Variants in MARCHF3 observed in about 807,000 individuals in gnomAD.
MARCHF3 encodes the protein membrane associated ring-CH-type finger 3, also known as E3 ubiquitin-protein ligase MARCHF3.
A neutral mutation model predicts 24.2 loss-of-function variants in MARCHF3; 13 were observed. The ratio of observed to expected loss-of-function variants is 0.54; its 90% CI spans 0.35 to 0.85. The LOEUF (loss-of-function observed/expected upper bound fraction) is 0.85, where lower values mean the gene tolerates loss of function less well. MARCHF3 is among the 40% of genes least tolerant of loss of function. The pLI is 0.01. For synonymous variants in MARCHF3, 144 were observed against 137.3 expected, an observed-to-expected ratio of 1.05 and a Z score of -0.34; for missense variants, 276 against 325.0, an observed-to-expected ratio of 0.85 and a Z score of 1.16.
intron 3 of MARCHF3, among the ~76,000 whole-genome samples, chr5:126,912,477 G>C (rs151187800): frequency 6.3e-4 from 96 of 152,182 alleles, no homozygotes; most frequent in African/African-American, 2.2e-3. Flanking sequence ...GATCCAACTG[G>C]TAAACAAAGT....
rs183757659 is a variant in MARCHF3, at chr5:126,998,284, G to A, written c.-57+32066C>T. The stretch of plus-strand genomic sequence containing the variant: ...ATCAGCCAGGACCATCTGCTGATCA[G>A]TAAACAGAAAGTGCTGACTTATGGT... On this transcript the variant is annotated intron_variant, in intron 1 of 4. Transcript: ENST00000308660. 3.2e-3 allele frequency among the ~76,000 whole-genome samples: 489 copies of A among 152,360 alleles called. 3 individuals are homozygous for A. Among genetic ancestry groups the A allele is most frequent in the Non-Finnish European group, 5.5e-3 (374 of 68,040 alleles).
intron 1 of MARCHF3, among the ~76,000 whole-genome samples, chr5:126,936,792 G>A (rs1312722767): frequency 1.3e-5 from 2 of 152,112 alleles, no homozygotes; most frequent in African/African-American, 2.4e-5. Flanking sequence ...AAAAGCACAT[G>A]CCCTCGCCAT....
chr5:126,977,673 A>G (rs569809972), intron 1 of MARCHF3, among the ~76,000 whole-genome samples: 3 of 152,362 alleles, frequency 2.0e-5, no homozygotes, highest in South Asian at 2.1e-4. Context: ...TCATACTCAT[A>G]TAAGTGTGCA....
Position 126,975,870 on chromosome 5 carries a change from A to G in MARCHF3, c.-57+54480T>C, listed in dbSNP as rs937185060. ...AATTTAAAGTCCTTTGAATAGATCA[A>G]TCTTCTCTAACTAGAAAACAGACCT... is the stretch of plus-strand genomic sequence containing the variant. On this transcript the variant is annotated intron_variant, in intron 1 of 4. Transcript: ENST00000308660. 6.6e-5 allele frequency among the ~76,000 whole-genome samples: 10 copies of G among 152,366 alleles called. No individual in the cohort carries two copies. The East Asian group carries it at 1.9e-3, about 29-fold the overall frequency.
chr5:126,989,618 C>G (rs906753730), intron 1 of MARCHF3, among the ~76,000 whole-genome samples: 1 of 152,096 alleles, frequency 6.6e-6, no homozygotes, highest in Non-Finnish European at 1.5e-5. Context: ...AACACCTTCC[C>G]TCAGCTGGGG....
At chr5:127,029,873 C>G (rs1261380938) in intron 1 of MARCHF3, 1 of 152,294 alleles carries the variant, frequency 6.6e-6, no homozygotes, top group Non-Finnish European at 1.5e-5. Flanking sequence ...GCACTGAAGC[C>G]CCCGCTACAG....
At chr5:126,992,480 T>C (rs1423895542) in intron 1 of MARCHF3, among the ~76,000 whole-genome samples, 3 of 152,220 alleles carry the variant, frequency 2.0e-5, no homozygotes, top group Non-Finnish European at 4.4e-5. Flanking sequence ...CTTTCTCATC[T>C]CCTTTCTATT....
At chr5:127,005,968 G>A (rs929844107) in intron 1 of MARCHF3, among the ~76,000 whole-genome samples, 4 of 151,974 alleles carry the variant, frequency 2.6e-5, no homozygotes, top group Admixed American at 1.3e-4. Flanking sequence ...TTGGGAGGCC[G>A]AGGCGGGCGG....
At chr5:126,914,587 G>A in intron 3 of MARCHF3, 1 of 391,838 alleles carries the variant, frequency 2.6e-6, no homozygotes, top group Non-Finnish European at 4.7e-6. Context: ...TGGTGCGCAA[G>A]GAGAAAGATG....
intron 3 of MARCHF3, among the ~76,000 whole-genome samples, chr5:126,896,040 G>T (rs1231484936): frequency 1.3e-5 from 2 of 152,180 alleles, no homozygotes; most frequent in Non-Finnish European, 2.9e-5. Flanking sequence ...TGTCGGAAAA[G>T]CGCAGTATTC....
At chr5:126,982,277 A>C (rs1580705076) in intron 1 of MARCHF3, among the ~76,000 whole-genome samples, 1 of 152,166 alleles carries the variant, frequency 6.6e-6, no homozygotes, top group Non-Finnish European at 1.5e-5. Flanking sequence ...ACAGCAGTTC[A>C]TGTCTTTCCC....
chr5:126,914,583 G>T (rs774906084), intron 3 of MARCHF3: 6 of 372,394 alleles, frequency 1.6e-5, no homozygotes, highest in Non-Finnish European at 4.9e-6. Flanking sequence ...CAGATGGTGC[G>T]CAAGGAGAAA....
At chr5:126,879,321 G>A (rs1334067938) in intron 3 of MARCHF3, among the ~76,000 whole-genome samples, 2 of 152,108 alleles carry the variant, frequency 1.3e-5, no homozygotes, top group East Asian at 3.9e-4. Flanking sequence ...TGAGTCCCGT[G>A]AGTACTTTTA....
intron 1 of MARCHF3, among the ~76,000 whole-genome samples, chr5:127,013,314 A>T (rs908551735): frequency 6.6e-6 from 1 of 152,208 alleles, no homozygotes; most frequent in African/African-American, 2.4e-5. Context: ...CAACAACAAG[A>T]ACAACAATAA....
chr5:126,877,410 A>G (rs1753193782), intron 4 of MARCHF3, among the ~76,000 whole-genome samples: 1 of 152,240 alleles, frequency 6.6e-6, no homozygotes. Context: ...TCTAGAAGAC[A>G]GTGATGTCCT....
At chr5:127,017,331 A>G (rs1228921844) in intron 1 of MARCHF3, among the ~76,000 whole-genome samples, 1 of 152,226 alleles carries the variant, frequency 6.6e-6, no homozygotes, top group Non-Finnish European at 1.5e-5. Flanking sequence ...AAGATATGTC[A>G]AATTAAAAAT....
At position 126,869,812 on chromosome 5, in the gene MARCHF3, C is replaced by T. The variant is rs2126762099; in HGVS notation, c.*821G>A. ...TCCTTTTAAAACCTGCTTTGGGAAACTTCACAGGTTTTATCATTAAAAAAA... is the reference window on the plus strand; with the variant it reads ...TCCTTTTAAAACCTGCTTTGGGAAATTTCACAGGTTTTATCATTAAAAAAA... On this transcript the variant is annotated 3_prime_UTR_variant, in exon 5 of 5. Coordinates refer to ENST00000308660, the MANE Select transcript of MARCHF3 (RefSeq NM_178450.5). 6.6e-6 allele frequency: 1 copy of T among 152,334 alleles called. No homozygotes were observed. Among genetic ancestry groups the T allele is most frequent in the East Asian group, 1.9e-4 (1 of 5,158 alleles). The allele number at this position is 152,334 out of a possible 1,614,324, so 9.4% of individuals were successfully genotyped here. A position where few individuals can be genotyped will look rare whatever the true frequency, so the allele number is the denominator to read the frequency against.
intron 1 of MARCHF3, among the ~76,000 whole-genome samples, chr5:126,924,941 G>A (rs559396935): frequency 8.5e-5 from 13 of 152,320 alleles, no homozygotes; most frequent in Non-Finnish European, 1.2e-4. Flanking sequence ...TATGTGGAGC[G>A]CAGAATTTGT....
chr5:126,972,978 A>G (rs947993328), intron 1 of MARCHF3, among the ~76,000 whole-genome samples: 44 of 152,356 alleles, frequency 2.9e-4, no homozygotes, highest in African/African-American at 9.4e-4. Flanking sequence ...ATATCAGTTT[A>G]AAATATTCTT....
Sources: allele counts gnomAD v4.1 joint callset (sites outside exome capture counted in the v4.1 genomes callset), GRCh38; gene constraint gnomAD v4.1.1; transcripts MANE v1.5; gene names NCBI Gene and HGNC (gene_info 2026-07-23, HGNC 2026-07-21).